RAD9B: variants seen among roughly 807,000 people sequenced by gnomAD.
The protein encoded by RAD9B is cell cycle checkpoint control protein RAD9B.
RAD9B carries 41 observed loss-of-function variants against 48.3 expected under a neutral mutation model. The observed-to-expected ratio is 0.85, with a 90% confidence interval of 0.66 to 1.10. RAD9B has a LOEUF of 1.10. Among genes scored for constraint, RAD9B ranks in the 50% least tolerant of loss-of-function variants. RAD9B has a pLI of 0.00. For missense variants in RAD9B, 444 were observed against 485.1 expected (o/e 0.92, Z 0.80); for synonymous variants, 160 against 157.9 (o/e 1.01, Z -0.10).
At chr12:110,522,438 C>G in intron 10 of RAD9B, 27 bp downstream of exon 10, 1 of 1,485,732 alleles carries the variant, frequency 6.7e-7, no homozygotes, top group South Asian at 1.2e-5. Context: ...TCAACCACAT[C>G]TCAGTCAAGA....
chr12:110,512,873 A>T lies in RAD9B; in HGVS notation c.483A>T (p.Gln161His). The change falls in exon 5 of 11, where the codon CAA becomes CAT. Residue 161 changes from glutamine to histidine, a missense_variant. Coordinates refer to ENST00000409300, the MANE Select transcript of RAD9B (RefSeq NM_001286535.2). Reference protein sequence around the residue: ...KNVCTNTLMIQPRLLADAIVL... With the variant: ...KNVCTNTLMIHPRLLADAIVL... ...TTTGTACTAATACGCTAATGATTCA[A>T]CCAAGGTAATGAGTTCTCTGTTGTC... 6.6e-7 allele frequency: 1 copy of T among 1,508,388 alleles called. No individual in the cohort carries two copies. The highest frequency in any genetic ancestry group is 9.2e-7 in the Non-Finnish European group (1 of 1,092,422). 93.4% of individuals were successfully genotyped at this position (1,508,388 alleles called of 1,614,324 possible). A position where few individuals can be genotyped will look rare whatever the true frequency, so the allele number is the denominator to read the frequency against.
At chr12:110,521,169 T>A (rs2063773499) in intron 9 of RAD9B, among the ~76,000 whole-genome samples, 1 of 152,110 alleles carries the variant, frequency 6.6e-6, no homozygotes, top group African/African-American at 2.4e-5. Flanking sequence ...TTTAAAAAAA[T>A]TTTTTGAGAC....
chr12:110,511,038 T>G (rs965891099), intron 4 of RAD9B, among the ~76,000 whole-genome samples: 2 of 152,024 alleles, frequency 1.3e-5, no homozygotes, highest in Non-Finnish European at 2.9e-5. Flanking sequence ...ACAAACCAGA[T>G]GTTGAAATCT....
intron 1 of RAD9B, 62 bp downstream of exon 1, chr12:110,502,445 C>T (rs1001264840): frequency 1.3e-6 from 2 of 1,573,398 alleles, no homozygotes; most frequent in Non-Finnish European, 1.7e-6. Flanking sequence ...AATAGGTCGT[C>T]CCTACCATTG....
rs1163685232 is a variant in RAD9B at position 110,532,404 on chromosome 12, C to CTAT, written c.*1758_*1760dup. Among the ~76,000 whole-genome samples, 1 of 152,302 alleles carries CTAT rather than the reference C, an allele frequency of 6.6e-6. No homozygotes were observed. The highest frequency in any genetic ancestry group is 2.4e-5 in the African/African-American group (1 of 41,562). ...GTAATAGCCTGGATGCAGCATTGGA[C>CTAT]TATTATTATAGTTAATACTGGCGGG... On this transcript the variant is annotated 3_prime_UTR_variant, in exon 11 of 11. Transcript: ENST00000409300.
At chr12:110,512,983 T>TA in intron 5 of RAD9B, 105 bp downstream of exon 5, 2 of 612,960 alleles carry the variant, frequency 3.3e-6, no homozygotes, top group East Asian at 3.2e-5. Flanking sequence ...TTTTTTTTTT[T>TA]TATATGGAGT....
At chr12:110,525,937 G>A (rs1347246007) in intron 10 of RAD9B, among the ~76,000 whole-genome samples, 2 of 151,918 alleles carry the variant, frequency 1.3e-5, no homozygotes, top group African/African-American at 2.4e-5. Flanking sequence ...TGATCCACCC[G>A]CCTTGGCCTC....
chr12:110,504,018 C>T, intron 2 of RAD9B, 142 bp downstream of exon 2: 1 of 539,358 alleles, frequency 1.9e-6, no homozygotes, highest in Non-Finnish European at 3.3e-6. Flanking sequence ...TATCTGAATA[C>T]ACTTAGAGCA....
intron 6 of RAD9B, among the ~76,000 whole-genome samples, chr12:110,518,014 C>T (rs1027385128): frequency 6.6e-6 from 1 of 151,876 alleles, no homozygotes; most frequent in Non-Finnish European, 1.5e-5. Context: ...CAGTGAAACC[C>T]CATCTCTACT....
chr12:110,521,804 C>G (rs907228228), intron 9 of RAD9B, among the ~76,000 whole-genome samples: 12 of 152,096 alleles, frequency 7.9e-5, no homozygotes, highest in Non-Finnish European at 1.2e-4. Flanking sequence ...GATCCACCCC[C>G]CTTGACCTCC....
intron 3 of RAD9B, 28 bp from the exon 4 acceptor site, chr12:110,506,551 G>C (rs1036773087): frequency 8.7e-6 from 9 of 1,036,494 alleles, no homozygotes; most frequent in Non-Finnish European, 1.2e-5. Context: ...TGTTAAGTAT[G>C]TGCTTAATAT....
chr12:110,506,557 A>T, intron 3 of RAD9B, 22 bp from the exon 4 acceptor site: 1 of 1,083,576 alleles, frequency 9.2e-7, no homozygotes, highest in Non-Finnish European at 1.4e-6. Context: ...GTATGTGCTT[A>T]ATATGTATAT....
In RAD9B at chr12:110,505,728, G is replaced by A. The variant is rs1247133704; in HGVS notation, c.229G>A (p.Glu77Lys). 1 of 1,611,286 alleles carries A rather than the reference G, an allele frequency of 6.2e-7. No individual in the cohort carries two copies. Among genetic ancestry groups the A allele is most frequent in the Non-Finnish European group, 8.5e-7 (1 of 1,178,726 alleles). ...WSALVKMSEN[E>K]LDTTLHLKCK... ...AGCTTTAGTGAAAATGAGTGAAAAT[G>A]AACTTGACACAACACTGCATTTAAA... The change falls in exon 3 of 11, where the codon GAA becomes AAA. Residue 77 changes from glutamate to lysine, a missense_variant. Physicochemically the swap from Glu to Lys is moderately conservative, Grantham distance 56. Coordinates refer to ENST00000409300, the MANE Select transcript of RAD9B (RefSeq NM_001286535.2).
intron 6 of RAD9B, among the ~76,000 whole-genome samples, chr12:110,518,140 G>A (rs2063666330): frequency 6.6e-6 from 1 of 151,862 alleles, no homozygotes; most frequent in Non-Finnish European, 1.5e-5. Context: ...GCAGTGAGCC[G>A]AGATTGTGCC....
At chr12:110,503,901 C>A in intron 2 of RAD9B, 25 bp downstream of exon 2, 1 of 1,413,312 alleles carries the variant, frequency 7.1e-7, no homozygotes, top group Non-Finnish European at 9.6e-7. Context: ...TAACAGATCA[C>A]GTATCAAGGC....
chr12:110,502,621 A>G, intron 1 of RAD9B: 1 of 535,134 alleles, frequency 1.9e-6, no homozygotes, highest in South Asian at 2.3e-5. Context: ...ATAGAGTTGT[A>G]CCATCGGGCC....
At chr12:110,507,340 A>G (rs1006565063) in intron 4 of RAD9B, among the ~76,000 whole-genome samples, 8 of 145,134 alleles carry the variant, frequency 5.5e-5, no homozygotes, top group Non-Finnish European at 9.0e-5. Context: ...GATTATATAT[A>G]TGTATATTAT....
chr12:110,530,491 G>A (rs1414635069), intron 10 of RAD9B, 34 bp from the exon 11 acceptor site: 1 of 1,608,894 alleles, frequency 6.2e-7, no homozygotes, highest in Non-Finnish European at 8.5e-7. Flanking sequence ...CTTTCTCTTT[G>A]GAATCAACAA....
chr12:110,531,866 G>A lies in RAD9B; in HGVS notation c.*1213G>A, dbSNP rs2064149315. 1 of 474,804 alleles carries A rather than the reference G, an allele frequency of 2.1e-6. No individual in the cohort carries two copies. The highest frequency in any genetic ancestry group is 3.3e-4 in the Middle Eastern group (1 of 3,066). 29.4% of individuals were successfully genotyped at this position (474,804 alleles called of 1,614,324 possible). A position where few individuals can be genotyped will look rare whatever the true frequency, so the allele number is the denominator to read the frequency against. ...AACGAGACTTTTGTAACATATTATT[G>A]TTACATCTTTCTGAAACCTTCAAAC... On this transcript the variant is annotated 3_prime_UTR_variant, in exon 11 of 11. Transcript: ENST00000409300.
Sources: allele counts gnomAD v4.1 joint callset (sites outside exome capture counted in the v4.1 genomes callset), GRCh38; gene constraint gnomAD v4.1.1; transcripts MANE v1.5; gene names NCBI Gene and HGNC (gene_info 2026-07-23, HGNC 2026-07-21).